The following ARHGEF3 variants were observed in gnomAD, a reference collection of about 807,000 sequenced individuals.
ARHGEF3 encodes the protein Rho guanine nucleotide exchange factor 3.
A neutral mutation model predicts 63.2 loss-of-function variants in ARHGEF3; 28 were observed. The ratio of observed to expected loss-of-function variants is 0.44; its 90% CI spans 0.33 to 0.61. The LOEUF (loss-of-function observed/expected upper bound fraction) is 0.61. Ranked by LOEUF, ARHGEF3 falls within the 20% of genes least tolerant of loss-of-function variation. ARHGEF3 has a pLI of 0.03. For missense variants in ARHGEF3, 533 were observed against 659.3 expected, an observed-to-expected ratio of 0.81 and a Z score of 2.10; for synonymous variants, 266 against 254.2, an observed-to-expected ratio of 1.05 and a Z score of -0.44.
At chr3:56,945,808 C>G (rs1339888993) in intron 3 of ARHGEF3, among the ~76,000 whole-genome samples, 1 of 152,218 alleles carries the variant, frequency 6.6e-6, no homozygotes, top group African/African-American at 2.4e-5. Flanking sequence ...AGCTGGAGAT[C>G]TGAGAATGGA....
intron 3 of ARHGEF3, among the ~76,000 whole-genome samples, chr3:56,922,674 G>T (rs1451640585): frequency 2.0e-5 from 3 of 152,144 alleles, no homozygotes; most frequent in African/African-American, 7.2e-5. Context: ...ACTCTTTAGG[G>T]ATAATTTCTG....
At chr3:56,915,787 C>T (rs187729869) in intron 3 of ARHGEF3, among the ~76,000 whole-genome samples, 2 of 152,290 alleles carry the variant, frequency 1.3e-5, no homozygotes, top group Non-Finnish European at 1.5e-5. Flanking sequence ...CTCCAACCAG[C>T]ATGAACTTCT....
chr3:57,031,522 T>A (rs1230513544), intron 2 of ARHGEF3, among the ~76,000 whole-genome samples: 1 of 152,060 alleles, frequency 6.6e-6, no homozygotes, highest in Admixed American at 6.6e-5. Context: ...GATTCATGGG[T>A]TTCCACTTAA....
chr3:56,821,623 C>T (rs1461506192), intron 4 of ARHGEF3, among the ~76,000 whole-genome samples: 1 of 152,108 alleles, frequency 6.6e-6, no homozygotes, highest in Admixed American at 6.5e-5. Flanking sequence ...AAGAGCAATA[C>T]AAATATGCAA....
chr3:56,894,654 A>T (rs867458018), intron 3 of ARHGEF3, among the ~76,000 whole-genome samples: 39 of 152,168 alleles, frequency 2.6e-4, no homozygotes, highest in African/African-American at 7.0e-4. Flanking sequence ...AAAAAATTTT[A>T]AAAAAATTCT....
At chr3:56,775,048 C>T (rs1282580347) in intron 1 of ARHGEF3, 1 of 1,551,372 alleles carries the variant, frequency 6.4e-7, no homozygotes, top group South Asian at 1.2e-5. Flanking sequence ...CTAGACAGCA[C>T]ATGAAGATAC....
At chr3:56,742,722 C>A (rs1282549368) in intron 7 of ARHGEF3, among the ~76,000 whole-genome samples, 1 of 152,164 alleles carries the variant, frequency 6.6e-6, no homozygotes, top group Non-Finnish European at 1.5e-5. Context: ...GGAAGACTTG[C>A]TTTGCAGACA....
At chr3:56,977,171 A>G in intron 2 of ARHGEF3, 1 of 448,876 alleles carries the variant, frequency 2.2e-6, no homozygotes, top group Non-Finnish European at 4.5e-6. Flanking sequence ...ATCCTGCCCC[A>G]GAGCTCCACC....
chr3:57,073,653 C>T (rs772465538), intron 1 of ARHGEF3: 6 of 1,575,988 alleles, frequency 3.8e-6, no homozygotes, highest in Non-Finnish European at 5.2e-6. Flanking sequence ...CCAAGTGCCC[C>T]AGCCTCCTTT....
intron 3 of ARHGEF3, among the ~76,000 whole-genome samples, chr3:56,893,335 G>C (rs1476227496): frequency 6.6e-6 from 1 of 152,096 alleles, no homozygotes; most frequent in African/African-American, 2.4e-5. Context: ...GTGCCACTGT[G>C]TCCAGCTAAT....
intron 2 of ARHGEF3, among the ~76,000 whole-genome samples, chr3:57,024,949 G>A (rs1204458253): frequency 6.6e-6 from 1 of 152,230 alleles, no homozygotes; most frequent in Admixed American, 6.5e-5. Flanking sequence ...ACGTTGGAGT[G>A]ATGTCACCCA....
At chr3:56,742,545 G>A (rs1223600297) in intron 7 of ARHGEF3, among the ~76,000 whole-genome samples, 1 of 152,016 alleles carries the variant, frequency 6.6e-6, no homozygotes, top group Non-Finnish European at 1.5e-5. Flanking sequence ...TGGGATATTT[G>A]TCAAGCTATA....
At chr3:56,765,764 G>A (rs75819282) in intron 2 of ARHGEF3, among the ~76,000 whole-genome samples, 1 of 151,804 alleles carries the variant, frequency 6.6e-6, no homozygotes, top group African/African-American at 2.4e-5. Context: ...AACTCTCTCT[G>A]TAGTATATTT....
chr3:56,879,469 C>T (rs997899397), intron 4 of ARHGEF3, among the ~76,000 whole-genome samples: 2 of 152,154 alleles, frequency 1.3e-5, no homozygotes, highest in African/African-American at 4.8e-5. Flanking sequence ...TGGGCTGGGA[C>T]TCAATGAAAA....
intron 7 of ARHGEF3, among the ~76,000 whole-genome samples, chr3:56,739,396 C>CTTTT (rs11309388): frequency 7.5e-6 from 1 of 133,430 alleles, no homozygotes; most frequent in Non-Finnish European, 1.6e-5. Flanking sequence ...AATTATTTTC[C>CTTTT]TTTTTTTTTT....
chr3:57,001,915 GT>G (rs1410825594), intron 2 of ARHGEF3, among the ~76,000 whole-genome samples: 2 of 53,710 alleles, frequency 3.7e-5, no homozygotes, highest in Admixed American at 2.4e-4. Flanking sequence ...AAGTGAGATA[GT>G]TTTTTTTTTT....
chr3:57,023,640 A>C (rs556856711), intron 2 of ARHGEF3, among the ~76,000 whole-genome samples: 2 of 152,170 alleles, frequency 1.3e-5, no homozygotes, highest in Non-Finnish European at 2.9e-5. Flanking sequence ...GACATGATCC[A>C]GTCTCACTGA....
chr3:56,838,567 A>G (rs1183936215), intron 4 of ARHGEF3, among the ~76,000 whole-genome samples: 2 of 152,208 alleles, frequency 1.3e-5, no homozygotes, highest in African/African-American at 2.4e-5. Flanking sequence ...GCCCCAGTAC[A>G]TAGTTATATC....
chr3:56,963,101 AC>A (rs1487920337), intron 2 of ARHGEF3, among the ~76,000 whole-genome samples: 2 of 151,416 alleles, frequency 1.3e-5, no homozygotes, highest in Non-Finnish European at 2.9e-5. Context: ...TTGGTGGGGG[AC>A]TTCAAGCAAG....
Sources: gnomAD v4.1 joint callset for allele counts (sites outside exome capture counted in the v4.1 genomes callset) on GRCh38, gnomAD v4.1.1 for gene constraint, MANE v1.5 for transcripts, NCBI Gene and HGNC (gene_info 2026-07-23, HGNC 2026-07-21) for gene names.